The following OSBP2 variants were observed in gnomAD, a reference collection of about 807,000 sequenced individuals.
OSBP2 encodes oxysterol binding protein 2.
A neutral mutation model predicts 96.0 loss-of-function variants in OSBP2; 66 were observed. The observed-to-expected ratio is 0.69, with a 90% CI of 0.56 to 0.84. The LOEUF (loss-of-function observed/expected upper bound fraction) is 0.84, where lower values mean the gene tolerates loss of function less well. Ranked by LOEUF, OSBP2 falls within the 40% of genes least tolerant of loss-of-function variation. The pLI, the probability that OSBP2 is intolerant of heterozygous loss-of-function variation, is 0.00. For missense variants in OSBP2, 1,038 were observed against 1,222.7 expected (o/e 0.85, Z 2.25); for synonymous variants, 525 against 520.9 (o/e 1.01, Z -0.11).
chr22:30,806,099 A>G (rs1457352236), intron 2 of OSBP2, among the ~76,000 whole-genome samples: 1 of 152,218 alleles, frequency 6.6e-6, no homozygotes, highest in Non-Finnish European at 1.5e-5. Context: ...AGTCATCATC[A>G]TGACCCTGTG....
chr22:30,858,468 A>G (rs1334123564), intron 2 of OSBP2, among the ~76,000 whole-genome samples: 2 of 151,654 alleles, frequency 1.3e-5, no homozygotes, highest in East Asian at 3.9e-4. Context: ...TTATTCCTTT[A>G]TTAGCTCAAG....
In OSBP2 at chr22:30,850,411, T is replaced by C. The variant is rs143788094; in HGVS notation, c.854-20018T>C. Among the ~76,000 whole-genome samples the C allele has an allele frequency of 1.5e-4, 23 of 152,326 alleles. No individual in the cohort carries two copies. The East Asian group carries it at 4.0e-3, about 27-fold the overall frequency. The stretch of plus-strand genomic sequence containing the variant: ...TACTTACGCCAATACTACACTGCCT[T>C]GATTATTTTAGTTGTATAGTAAATC... On this transcript the variant is annotated intron_variant, in intron 2 of 13. Transcript: ENST00000332585.
At chr22:30,722,861 T>C (rs1213656741) in intron 1 of OSBP2, among the ~76,000 whole-genome samples, 1 of 148,820 alleles carries the variant, frequency 6.7e-6, no homozygotes, top group East Asian at 2.0e-4. Flanking sequence ...CACAGTTCAC[T>C]GCGGCTTTTA....
chr22:30,819,855 C>T (rs2091126567), intron 2 of OSBP2, among the ~76,000 whole-genome samples: 1 of 152,206 alleles, frequency 6.6e-6, no homozygotes, highest in African/African-American at 2.4e-5. Flanking sequence ...AGTTCAGTGA[C>T]ACCAGGGTTC....
intron 2 of OSBP2, chr22:30,773,148 G>A (rs894129884): frequency 7.2e-5 from 10 of 138,418 alleles, no homozygotes; most frequent in Non-Finnish European, 1.5e-4. Context: ...TGTTGCCCAA[G>A]CTGGAGTACA....
At chr22:30,787,052 C>T (rs1569123622) in intron 2 of OSBP2, among the ~76,000 whole-genome samples, 1 of 152,102 alleles carries the variant, frequency 6.6e-6, no homozygotes, top group Non-Finnish European at 1.5e-5. Flanking sequence ...CCTGTCTCGG[C>T]CTCCCAAAGT....
At position 30,888,323 on chromosome 22, in the gene OSBP2, C is replaced by G. The variant is rs537094480; in HGVS notation, c.1401C>G (p.Thr467=). 3.7e-6 allele frequency: 6 copies of G among 1,611,460 alleles called. No individual in the cohort carries two copies. The highest frequency in any genetic ancestry group is 2.7e-5 in the African/African-American group (2 of 74,860). ...EDSTSFITVI[T]EAKEDSRKAE... ...CCACATCCTTCATCACCGTGATCAC[C>G]GAGGCCAAGGAAGACAGGTAAGGTG... Residue 467 remains threonine, a synonymous_variant, in exon 5 of 14, where the codon ACC becomes ACG. Transcript: ENST00000332585.
At chr22:30,730,744 C>CTG in intron 1 of OSBP2, among the ~76,000 whole-genome samples, 1 of 39,198 alleles carries the variant, frequency 2.6e-5, no homozygotes, top group African/African-American at 1.0e-4. Context: ...CTCTCTCTCT[C>CTG]TCTCTCTCTC....
At chr22:30,787,353 C>A (rs1395722254) in intron 2 of OSBP2, among the ~76,000 whole-genome samples, 1 of 152,038 alleles carries the variant, frequency 6.6e-6, no homozygotes, top group Non-Finnish European at 1.5e-5. Context: ...ACCGTCAGAT[C>A]TCGTGATAAC....
intron 2 of OSBP2, among the ~76,000 whole-genome samples, chr22:30,837,779 C>A (rs1053273232): frequency 6.6e-6 from 1 of 152,094 alleles, no homozygotes; most frequent in East Asian, 1.9e-4. Flanking sequence ...GACCTAAGGC[C>A]GGGCTAAATC....
intron 2 of OSBP2, chr22:30,764,166 C>T (rs771219487): frequency 2.9e-5 from 26 of 904,854 alleles, no homozygotes; most frequent in Non-Finnish European, 3.3e-5. Context: ...CCCCTAGGCT[C>T]GCCTACCCTC....
chr22:30,889,383 C>T, intron 6 of OSBP2, 107 bp from the exon 7 acceptor site: 6 of 1,456,706 alleles, frequency 4.1e-6, no homozygotes, highest in Non-Finnish European at 5.7e-6. Flanking sequence ...AGCAGCGTAC[C>T]AGTGGCCGGC....
intron 2 of OSBP2, among the ~76,000 whole-genome samples, chr22:30,814,518 G>A (rs1364855227): frequency 2.0e-5 from 3 of 148,994 alleles, no homozygotes; most frequent in South Asian, 4.4e-4. Context: ...TGCAACCTCC[G>A]CCTCCCGGGT....
chr22:30,766,868 C>T (rs2145782440), intron 2 of OSBP2, among the ~76,000 whole-genome samples: 1 of 152,108 alleles, frequency 6.6e-6, no homozygotes, highest in South Asian at 2.1e-4. Flanking sequence ...AAATAGAGGA[C>T]AGGACTCTGC....
rs192778392 is a variant in OSBP2 at position 30,721,984 on chromosome 22, C to T, written c.645-19177C>T. Among the ~76,000 whole-genome samples, 16 of 152,302 alleles carry T rather than the reference C, an allele frequency of 1.1e-4. No homozygotes were observed. In the East Asian group the frequency reaches 1.7e-3, roughly 17 times the overall value. ...AATATCCTATAGATTGTGGCTGCAG[C>T]TACCGAGATTGTGTGATGATTTAAA... is the stretch of plus-strand genomic sequence containing the variant. On this transcript the variant is annotated intron_variant, in intron 1 of 13. Transcript: ENST00000332585.
At chr22:30,693,848 C>A, upstream of OSBP2, 1 of 514,266 alleles carries the variant, frequency 1.9e-6, no homozygotes, top group Non-Finnish European at 3.5e-6. Context: ...CCGTGGAATT[C>A]CAGCTACTAG....
chr22:30,865,264 G>C (rs1440242394), intron 2 of OSBP2, among the ~76,000 whole-genome samples: 1 of 152,138 alleles, frequency 6.6e-6, no homozygotes, highest in Non-Finnish European at 1.5e-5. Context: ...TGGGGAATGG[G>C]GTGTGGGGGC....
intron 2 of OSBP2, among the ~76,000 whole-genome samples, chr22:30,818,698 A>C (rs556933688): frequency 2.6e-5 from 4 of 152,302 alleles, no homozygotes; most frequent in African/African-American, 9.6e-5. Flanking sequence ...TGAGCAAAGG[A>C]AGGAACATAG....
chr22:30,738,930 A>C (rs1020496766), intron 1 of OSBP2, among the ~76,000 whole-genome samples: 1 of 152,242 alleles, frequency 6.6e-6, no homozygotes, highest in Non-Finnish European at 1.5e-5. Context: ...AAAATGACAG[A>C]TGATGAACAG....
Sources: allele counts gnomAD v4.1 joint callset (sites outside exome capture counted in the v4.1 genomes callset), GRCh38; gene constraint gnomAD v4.1.1; transcripts MANE v1.5; gene names NCBI Gene and HGNC (gene_info 2026-07-23, HGNC 2026-07-21).